Variants in RAB38 observed in about 807,000 individuals in gnomAD.
RAB38 encodes the protein ras-related protein Rab-38.
In RAB38, 15 loss-of-function variants were observed where a neutral mutation model predicts 18.4. The ratio of observed to expected loss-of-function variants is 0.82; its 90% CI spans 0.55 to 1.26. The LOEUF is 1.26. Among genes scored for constraint, RAB38 ranks in the 50% most tolerant of loss-of-function variants. The pLI, the probability that RAB38 is intolerant of heterozygous loss-of-function variation, is 0.00. For missense variants in RAB38, 294 were observed against 267.4 expected, an observed-to-expected ratio of 1.10 and a Z score of -0.69; for synonymous variants, 101 against 104.4, an observed-to-expected ratio of 0.97 and a Z score of 0.20.
the RAB38 span, among the ~76,000 whole-genome samples, chr11:87,845,530 C>T: frequency 6.6e-6 from 1 of 151,956 alleles, no homozygotes; most frequent in African/African-American, 2.4e-5. Flanking sequence ...AAATGACCAG[C>T]CTCTGGTACG....
chr11:87,899,542 T>G, the RAB38 span, among the ~76,000 whole-genome samples: 71 of 151,740 alleles, frequency 4.7e-4, no homozygotes, highest in South Asian at 0.015. Flanking sequence ...TCCTTTTACC[T>G]TAATTACTAA....
At chr11:87,971,472 A>G in the RAB38 span, among the ~76,000 whole-genome samples, 4 of 152,118 alleles carry the variant, frequency 2.6e-5, no homozygotes, top group African/African-American at 9.7e-5. Flanking sequence ...GCCTGGACTA[A>G]TGTGCAGCTC....
At chr11:88,015,471 T>C in the RAB38 span, among the ~76,000 whole-genome samples, 1 of 152,120 alleles carries the variant, frequency 6.6e-6, no homozygotes, top group African/African-American at 2.4e-5. Context: ...AATGAGATCA[T>C]CATGAAGGTA....
chr11:87,835,260 C>T, the RAB38 span, among the ~76,000 whole-genome samples: 1 of 152,074 alleles, frequency 6.6e-6, no homozygotes, highest in Admixed American at 6.6e-5. Flanking sequence ...GATGAGTACA[C>T]CTCTGCCACC....
chr11:87,967,641 G>C, the RAB38 span, among the ~76,000 whole-genome samples: 5 of 152,130 alleles, frequency 3.3e-5, no homozygotes, highest in African/African-American at 1.2e-4. Context: ...TCCACTTCCA[G>C]TGTTTCCTTC....
the RAB38 span, among the ~76,000 whole-genome samples, chr11:88,034,122 A>G: frequency 6.6e-6 from 1 of 152,202 alleles, no homozygotes; most frequent in South Asian, 2.1e-4. Flanking sequence ...TGTCAATTCA[A>G]TAATGTTACA....
the RAB38 span, among the ~76,000 whole-genome samples, chr11:87,926,222 T>A: frequency 7.2e-5 from 11 of 152,032 alleles, no homozygotes; most frequent in African/African-American, 2.4e-4. Context: ...AGGTCCTTTT[T>A]GGCCTAGTTT....
chr11:88,052,922 A>AT, the RAB38 span, among the ~76,000 whole-genome samples: 6 of 23,086 alleles, frequency 2.6e-4, 1 homozygote, highest in African/African-American at 1.3e-3. Flanking sequence ...ATATATATAT[A>AT]TATATATATA....
chr11:87,962,260 G>C, the RAB38 span, among the ~76,000 whole-genome samples: 4 of 151,694 alleles, frequency 2.6e-5, no homozygotes, highest in African/African-American at 9.7e-5. Context: ...GTACTACCTG[G>C]AGCACTAAAC....
intron 1 of RAB38, among the ~76,000 whole-genome samples, chr11:88,169,066 T>C (rs1348524818): frequency 6.6e-6 from 1 of 152,122 alleles, no homozygotes; most frequent in African/African-American, 2.4e-5. Flanking sequence ...GAGGCTATGA[T>C]CCAGAACAGG....
chr11:87,828,255 T>C, the RAB38 span, among the ~76,000 whole-genome samples: 4 of 152,206 alleles, frequency 2.6e-5, no homozygotes, highest in Non-Finnish European at 5.9e-5. Context: ...ACTATTGCGT[T>C]ATGTTTAAAA....
At chr11:88,062,747 T>G in the RAB38 span, among the ~76,000 whole-genome samples, 1 of 152,218 alleles carries the variant, frequency 6.6e-6, no homozygotes, top group South Asian at 2.1e-4. Context: ...AAACTAATTT[T>G]GCAACCTTCA....
the RAB38 span, among the ~76,000 whole-genome samples, chr11:88,060,630 A>G: frequency 2.9e-4 from 44 of 152,284 alleles, no homozygotes; most frequent in Non-Finnish European, 4.7e-4. Context: ...CAACTCTACT[A>G]GAGTTTCTCA....
At chr11:87,965,710 A>G in the RAB38 span, among the ~76,000 whole-genome samples, 2 of 152,318 alleles carry the variant, frequency 1.3e-5, no homozygotes, top group East Asian at 3.9e-4. Context: ...GCATTTTGAT[A>G]TGCCCAAGGC....
At chr11:87,945,325 G>A in the RAB38 span, among the ~76,000 whole-genome samples, 2 of 152,128 alleles carry the variant, frequency 1.3e-5, no homozygotes, top group South Asian at 4.1e-4. Flanking sequence ...GACAGAGGCT[G>A]ACTACAGAAC....
chr11:88,045,399 C>T, the RAB38 span, among the ~76,000 whole-genome samples: 1 of 152,220 alleles, frequency 6.6e-6, no homozygotes, highest in Non-Finnish European at 1.5e-5. Context: ...CACAGAAGAA[C>T]TTCCAAATGC....
chr11:87,853,348 A>G, the RAB38 span, among the ~76,000 whole-genome samples: 29,086 of 152,098 alleles, frequency 0.19, 3,469 homozygotes, highest in African/African-American at 0.32. Flanking sequence ...TAAGATTAGT[A>G]TTTTTATGAG....
the RAB38 span, among the ~76,000 whole-genome samples, chr11:87,904,050 C>A: frequency 6.6e-6 from 1 of 150,922 alleles, no homozygotes; most frequent in Non-Finnish European, 1.5e-5. Context: ...TTTATTATAT[C>A]CTTTTTCTTG....
chr11:87,936,318 G>T, the RAB38 span, among the ~76,000 whole-genome samples: 2 of 152,170 alleles, frequency 1.3e-5, no homozygotes, highest in South Asian at 4.2e-4. Context: ...AATGTAGAAG[G>T]TGTGAGACAG....
Sources: allele counts gnomAD v4.1 joint callset (sites outside exome capture counted in the v4.1 genomes callset), GRCh38; gene constraint gnomAD v4.1.1; transcripts MANE v1.5; gene names NCBI Gene and HGNC (gene_info 2026-07-23, HGNC 2026-07-21).